The following ANKS1B variants were observed in gnomAD, a reference collection of about 807,000 sequenced individuals.
ANKS1B encodes ankyrin repeat and sterile alpha motif domain-containing protein 1B.
In ANKS1B, 36 loss-of-function variants were observed where a neutral mutation model predicts 148.3. That is an observed-to-expected ratio of 0.24 (90% CI 0.19 to 0.32). ANKS1B has a LOEUF of 0.32. ANKS1B is among the 10% of genes least tolerant of loss of function. The pLI, the probability that ANKS1B is intolerant of heterozygous loss-of-function variation, is 1.00. For synonymous variants in ANKS1B, 542 were observed against 560.8 expected (o/e 0.97, Z 0.47); for missense variants, 1,157 against 1,542.6 (o/e 0.75, Z 4.19).
Position 99,209,233 on chromosome 12 carries a change from T to TG in ANKS1B, c.2419+35108dup, listed in dbSNP as rs59131145. The stretch of plus-strand genomic sequence containing the variant: ...AAACAAAACTCGGAAAGAGCCCAAG[T>TG]GGTCACTACTTTTTCTGCATTTATG... On this transcript the variant is annotated intron_variant, in intron 14 of 26. Coordinates refer to ENST00000683438, the MANE Select transcript of ANKS1B (RefSeq NM_001352186.2). 3.1e-3 allele frequency among the ~76,000 whole-genome samples: 468 copies of TG among 152,306 alleles called. 2 individuals are homozygous for TG. Among genetic ancestry groups the TG allele is most frequent in the African/African-American group, 0.011 (453 of 41,576 alleles).
chr12:98,814,045 T>G (rs2099119159), intron 19 of ANKS1B, among the ~76,000 whole-genome samples: 1 of 117,514 alleles, frequency 8.5e-6, no homozygotes, highest in Non-Finnish European at 1.7e-5. Flanking sequence ...CACATCTGGC[T>G]GATTTTTGTA....
intron 9 of ANKS1B, among the ~76,000 whole-genome samples, chr12:99,523,806 C>T (rs560910100): frequency 8.7e-4 from 132 of 152,256 alleles, no homozygotes; most frequent in Admixed American, 1.4e-3. Context: ...CCTGCCTCAG[C>T]CTCCCAAAGT....
At chr12:99,887,831 T>G (rs1043184503) in intron 1 of ANKS1B, among the ~76,000 whole-genome samples, 6 of 152,192 alleles carry the variant, frequency 3.9e-5, no homozygotes, top group African/African-American at 1.4e-4. Context: ...GTGGACAGAT[T>G]AGTCCCCATG....
chr12:99,812,342 A>C, intron 2 of ANKS1B, 31 bp from the exon 3 acceptor site: 1 of 1,600,484 alleles, frequency 6.2e-7, no homozygotes, highest in Non-Finnish European at 8.5e-7. Context: ...ACAACAAAAT[A>C]GGCTGAGCAA....
intron 1 of ANKS1B, among the ~76,000 whole-genome samples, chr12:99,962,879 T>A (rs1169606245): frequency 6.6e-6 from 1 of 150,494 alleles, no homozygotes; most frequent in Admixed American, 6.7e-5. Context: ...AGTGGCATGA[T>A]CTCGGCTCAC....
chr12:99,328,415 T>G (rs2086893790), intron 12 of ANKS1B, among the ~76,000 whole-genome samples: 3 of 151,974 alleles, frequency 2.0e-5, no homozygotes, highest in Admixed American at 2.0e-4. Flanking sequence ...AAAAAACACC[T>G]AAAAGAATTA....
intron 9 of ANKS1B, among the ~76,000 whole-genome samples, chr12:99,540,496 A>G (rs953680260): frequency 6.6e-6 from 1 of 152,194 alleles, no homozygotes; most frequent in Non-Finnish European, 1.5e-5. Context: ...GAAAAAAATT[A>G]GAAAACAATA....
intron 17 of ANKS1B, among the ~76,000 whole-genome samples, chr12:98,967,942 G>T: frequency 6.6e-6 from 1 of 152,030 alleles, no homozygotes; most frequent in Non-Finnish European, 1.5e-5. Context: ...AGAGAGAAGG[G>T]CATCATCACA....
chr12:98,975,133 CTCT>C (rs1398407177), intron 17 of ANKS1B, among the ~76,000 whole-genome samples: 3 of 142,958 alleles, frequency 2.1e-5, no homozygotes, highest in Admixed American at 7.2e-5. Flanking sequence ...TTTCCTTCCT[CTCT>C]TCTTCTTTCC....
intron 17 of ANKS1B, among the ~76,000 whole-genome samples, chr12:98,882,307 A>G (rs1417572074): frequency 6.6e-6 from 1 of 152,208 alleles, no homozygotes. Context: ...TAAGTGATAC[A>G]AAGAGTAAAA....
chr12:99,053,374 A>G, intron 16 of ANKS1B, 65 bp from the exon 17 acceptor site: 2 of 1,270,094 alleles, frequency 1.6e-6, no homozygotes, highest in Non-Finnish European at 2.1e-6. Flanking sequence ...CAGAATGCAG[A>G]TTTCCCCTTG....
At chr12:99,963,265 G>C (rs925298312) in intron 1 of ANKS1B, among the ~76,000 whole-genome samples, 1 of 152,092 alleles carries the variant, frequency 6.6e-6, no homozygotes, top group Non-Finnish European at 1.5e-5. Flanking sequence ...TTTGTCAGAT[G>C]GGTAGATTGC....
At position 98,787,299 on chromosome 12, in the gene ANKS1B, C is replaced by T. The variant is rs934793452; in HGVS notation, c.3343-5162G>A. Among the ~76,000 whole-genome samples, 4 of 152,258 alleles carry T rather than the reference C, an allele frequency of 2.6e-5. No individual in the cohort carries two copies. In the East Asian group the frequency reaches 5.8e-4, roughly 22 times the overall value. On this transcript the variant is annotated intron_variant, in intron 22 of 26. Coordinates refer to ENST00000683438, the MANE Select transcript of ANKS1B (RefSeq NM_001352186.2). ...AGGCCACTTTCTGGGGAAAGGCTTC[C>T]GCGGTCTCCCAGGCTGACAGGATGG...
intron 11 of ANKS1B, among the ~76,000 whole-genome samples, chr12:99,418,675 C>T (rs1693971964): frequency 6.6e-6 from 1 of 152,144 alleles, no homozygotes; most frequent in African/African-American, 2.4e-5. Flanking sequence ...GCTTCCAGCA[C>T]TATGTTGAGT....
intron 17 of ANKS1B, among the ~76,000 whole-genome samples, chr12:98,875,610 AGTTT>A (rs2099686934): frequency 6.6e-6 from 1 of 151,754 alleles, no homozygotes; most frequent in Admixed American, 6.6e-5. Context: ...TTGTTTCTTT[AGTTT>A]GTTTATCATG....
intron 10 of ANKS1B, among the ~76,000 whole-genome samples, chr12:99,444,683 T>C (rs566100129): frequency 6.6e-6 from 1 of 152,116 alleles, no homozygotes; most frequent in East Asian, 1.9e-4. Context: ...TAGCTTTTTA[T>C]GAAAACTGCT....
chr12:99,016,048 G>A (rs185534189), intron 17 of ANKS1B, among the ~76,000 whole-genome samples: 7 of 152,200 alleles, frequency 4.6e-5, no homozygotes, highest in East Asian at 1.9e-4. Context: ...GGTAGTCTTC[G>A]TTCTTCACAA....
At chr12:98,972,319 T>C (rs141869779) in intron 17 of ANKS1B, among the ~76,000 whole-genome samples, 10 of 152,346 alleles carry the variant, frequency 6.6e-5, no homozygotes, top group Middle Eastern at 3.4e-3. Context: ...TTAAACCTTT[T>C]ATGGTTTTGA....
At chr12:99,230,605 C>A (rs2086683930) in intron 14 of ANKS1B, among the ~76,000 whole-genome samples, 1 of 151,950 alleles carries the variant, frequency 6.6e-6, no homozygotes, top group Non-Finnish European at 1.5e-5. Flanking sequence ...AGAATCTCAG[C>A]GGTATTTGAA....
Sources: allele counts gnomAD v4.1 joint callset (sites outside exome capture counted in the v4.1 genomes callset), GRCh38; gene constraint gnomAD v4.1.1; transcripts MANE v1.5; gene names NCBI Gene and HGNC (gene_info 2026-07-23, HGNC 2026-07-21).